Variants in CTNND2 observed in about 807,000 individuals in gnomAD.
CTNND2 encodes the protein catenin delta 2.
Under a neutral mutation model 144.4 loss-of-function variants are expected in CTNND2, and 22 were observed. The ratio of observed to expected loss-of-function variants is 0.15; its 90% CI spans 0.11 to 0.22. CTNND2 has a LOEUF of 0.22. Ranked by LOEUF, CTNND2 falls within the 10% of genes least tolerant of loss-of-function variation. CTNND2 has a pLI of 1.00. For synonymous variants in CTNND2, 751 were observed against 695.6 expected (o/e 1.08, Z -1.25); for missense variants, 1,353 against 1,618.8 (o/e 0.84, Z 2.82).
At chr5:11,045,320 A>C (rs1580130449) in intron 16 of CTNND2, among the ~76,000 whole-genome samples, 1 of 152,274 alleles carries the variant, frequency 6.6e-6, no homozygotes, top group East Asian at 1.9e-4. Flanking sequence ...CAGAAGGTGA[A>C]GGGAAGCCAG....
At chr5:11,530,807 T>C (rs1270138477) in intron 3 of CTNND2, among the ~76,000 whole-genome samples, 1 of 152,198 alleles carries the variant, frequency 6.6e-6, no homozygotes, top group Admixed American at 6.5e-5. Flanking sequence ...TGGATTTTGG[T>C]ACCAATTTTT....
At chr5:11,652,025 G>T (rs1299671130) in intron 2 of CTNND2, among the ~76,000 whole-genome samples, 1 of 152,168 alleles carries the variant, frequency 6.6e-6, no homozygotes, top group Non-Finnish European at 1.5e-5. Context: ...ATTTTGCAAT[G>T]TGAGAAGGAC....
intron 11 of CTNND2, among the ~76,000 whole-genome samples, chr5:11,178,887 T>C (rs1169579922): frequency 6.6e-6 from 1 of 152,222 alleles, no homozygotes; most frequent in East Asian, 1.9e-4. Context: ...ACATATGTCC[T>C]ACTGATCTTT....
intron 14 of CTNND2, among the ~76,000 whole-genome samples, chr5:11,106,046 A>G (rs888057161): frequency 1.3e-5 from 2 of 152,264 alleles, no homozygotes; most frequent in African/African-American, 4.8e-5. Flanking sequence ...AAAGCCTAGG[A>G]GCATCCAAAT....
rs150689864 is a variant in CTNND2, at chr5:11,585,869, G to A, written c.175-20813C>T. ...GTGAGGAGAAAGGAGGGGCTAGGAC[G>A]GTGCTTCATGCAAAGTCAACAGAAA... On this transcript the variant is annotated intron_variant, in intron 2 of 21. Transcript: ENST00000304623. 8.5e-4 allele frequency among the ~76,000 whole-genome samples: 129 copies of A among 152,140 alleles called. 1 individual carries two copies. The highest frequency in any genetic ancestry group is 2.9e-3 in the African/African-American group (122 of 41,518).
At position 11,384,961 on chromosome 5, in the gene CTNND2, G is replaced by C. The variant is rs1223300190; in HGVS notation, c.881C>G (p.Ala294Gly). Residue 294 changes from alanine (A) to glycine (G), a missense_variant, in exon 7 of 22, where the codon GCG (alanine) becomes GGG (glycine). Coordinates refer to ENST00000304623, the MANE Select transcript of CTNND2 (RefSeq NM_001332.4). This position sits in a 1 kb window ranked among gnomAD's most constrained non-coding sequence, Gnocchi z 5.2. Reference protein sequence around the residue: ...GSAPEGATYAAPRGSSPKQSP... With the variant: ...GSAPEGATYAGPRGSSPKQSP... ...CTGCTTGGGCGAGGAGCCGCGCGGC[G>C]CGGCGTAGGTGGCGCCCTCGGGGGC... The C allele has an allele frequency of 1.3e-6, 2 of 1,563,094 alleles. No individual in the cohort carries two copies. Among genetic ancestry groups the C allele is most frequent in the Non-Finnish European group, 1.7e-6 (2 of 1,158,756 alleles).
intron 1 of CTNND2, among the ~76,000 whole-genome samples, chr5:11,884,791 T>C (rs943066884): frequency 1.3e-5 from 2 of 152,208 alleles, no homozygotes; most frequent in African/African-American, 4.8e-5. Flanking sequence ...ATGTTAGCTG[T>C]GGGTTTGTCA....
At chr5:11,579,377 G>A (rs1169111805) in intron 2 of CTNND2, among the ~76,000 whole-genome samples, 1 of 152,144 alleles carries the variant, frequency 6.6e-6, no homozygotes, top group Non-Finnish European at 1.5e-5. Flanking sequence ...GCTCCAATGT[G>A]CGGAAGTGTC....
intron 13 of CTNND2, among the ~76,000 whole-genome samples, chr5:11,114,250 T>C (rs1244815366): frequency 2.0e-5 from 3 of 152,224 alleles, no homozygotes; most frequent in Non-Finnish European, 4.4e-5. Context: ...GGCATCACTG[T>C]TCCTCTGTTT....
intron 1 of CTNND2, among the ~76,000 whole-genome samples, chr5:11,809,970 G>C (rs531971055): frequency 5.9e-5 from 9 of 152,252 alleles, no homozygotes; most frequent in Non-Finnish European, 1.2e-4. Flanking sequence ...ACATATCAAA[G>C]AAACTATCAG....
chr5:11,414,768 T>G (rs113759936), intron 3 of CTNND2, among the ~76,000 whole-genome samples: 1 of 152,012 alleles, frequency 6.6e-6, no homozygotes, highest in Non-Finnish European at 1.5e-5. Context: ...CACTCTCAAA[T>G]AGACCCCAGT....
intron 9 of CTNND2, among the ~76,000 whole-genome samples, chr5:11,320,480 T>C (rs1751923963): frequency 6.6e-6 from 1 of 152,122 alleles, no homozygotes; most frequent in African/African-American, 2.4e-5. Context: ...AAAAGTATTG[T>C]ATTAGTCCAT....
chr5:11,766,844 C>T (rs1789618191), intron 1 of CTNND2, among the ~76,000 whole-genome samples: 1 of 152,116 alleles, frequency 6.6e-6, no homozygotes, highest in African/African-American at 2.4e-5. Flanking sequence ...TCAAACCTAC[C>T]TTGAATTTCA....
At chr5:11,276,950 G>A (rs534814791) in intron 9 of CTNND2, among the ~76,000 whole-genome samples, 16 of 152,254 alleles carry the variant, frequency 1.1e-4, no homozygotes, top group African/African-American at 2.4e-4. Flanking sequence ...CTGATTTCTC[G>A]ATTTTAGACC....
In CTNND2 at chr5:11,412,025, T is replaced by C. The variant is rs753487243; in HGVS notation, c.322+10A>G. 5.5e-5 allele frequency: 88 copies of C among 1,606,516 alleles called. No individual in the cohort carries two copies. Among genetic ancestry groups the C allele is most frequent in the South Asian group, 2.4e-4 (22 of 90,928 alleles). On this transcript the variant is annotated intron_variant, in intron 4 of 21. Coordinates refer to ENST00000304623, the MANE Select transcript of CTNND2 (RefSeq NM_001332.4). ...GAAGTGTAAGTGTTCATCAATAAGA[T>C]AGACATTACCTTGTGACTGCCACTG...
chr5:11,037,246 T>C (rs927172733), intron 16 of CTNND2, among the ~76,000 whole-genome samples: 1 of 152,174 alleles, frequency 6.6e-6, no homozygotes, highest in South Asian at 2.1e-4. Context: ...ATATTAGTGG[T>C]TATAATGAGT....
chr5:11,556,527 A>G (rs538347725), intron 3 of CTNND2, among the ~76,000 whole-genome samples: 3 of 152,128 alleles, frequency 2.0e-5, no homozygotes, highest in African/African-American at 7.2e-5. Flanking sequence ...TCTTCACTAA[A>G]TACTGTTAAC....
At chr5:11,048,145 A>G (rs1229022626) in intron 16 of CTNND2, among the ~76,000 whole-genome samples, 1 of 152,144 alleles carries the variant, frequency 6.6e-6, no homozygotes, top group Non-Finnish European at 1.5e-5. Context: ...GAGCTCCCAG[A>G]ACCTGGAACT....
intron 2 of CTNND2, among the ~76,000 whole-genome samples, chr5:11,577,480 A>G (rs1778058804): frequency 6.6e-6 from 1 of 152,212 alleles, no homozygotes; most frequent in Non-Finnish European, 1.5e-5. Flanking sequence ...AAGGAGGGCA[A>G]CGTCACATGC....
Sources: allele counts gnomAD v4.1 joint callset (sites outside exome capture counted in the v4.1 genomes callset), GRCh38; gene constraint gnomAD v4.1.1; non-coding constraint Gnocchi (gnomAD v3.1); transcripts MANE v1.5; gene names NCBI Gene and HGNC (gene_info 2026-07-23, HGNC 2026-07-21).